Variants in GATAD2B observed in about 807,000 individuals in gnomAD.
GATAD2B encodes the protein transcriptional repressor p66-beta.
In GATAD2B, 8 loss-of-function variants were observed where a neutral mutation model predicts 64.3. The observed-to-expected ratio is 0.12, with a 90% confidence interval of 0.07 to 0.22. The LOEUF is 0.22. Ranked by LOEUF, GATAD2B falls within the 10% of genes least tolerant of loss-of-function variation. The probability of loss-of-function intolerance (pLI) is 1.00; values close to 1 mark genes in which losing one functional copy is unlikely to be tolerated. For missense variants in GATAD2B, 453 were observed against 752.0 expected, an observed-to-expected ratio of 0.60 and a Z score of 4.65; for synonymous variants, 281 against 271.3, an observed-to-expected ratio of 1.04 and a Z score of -0.35.
intron 1 of GATAD2B, among the ~76,000 whole-genome samples, chr1:153,900,084 T>G (rs776674300): frequency 2.2e-4 from 34 of 152,196 alleles, no homozygotes; most frequent in Non-Finnish European, 4.6e-4. Context: ...ACTAAAACAA[T>G]GAGCTGCAAA....
chr1:153,861,809 T>TATAC (rs1294838675), intron 1 of GATAD2B, among the ~76,000 whole-genome samples: 1,455 of 121,524 alleles, frequency 0.012, 44 homozygotes, highest in Non-Finnish European at 0.019. Flanking sequence ...TATATATATA[T>TATAC]ACACATATGT....
intron 7 of GATAD2B, among the ~76,000 whole-genome samples, chr1:153,815,303 A>AAAAG (rs1674439721): frequency 6.7e-6 from 1 of 148,810 alleles, no homozygotes; most frequent in African/African-American, 2.5e-5. Context: ...CAAAAAAAAA[A>AAAAG]AAAAGAAAAG....
At chr1:153,856,913 T>C (rs4520447) in intron 1 of GATAD2B, among the ~76,000 whole-genome samples, 44,089 of 151,886 alleles carry the variant, frequency 0.29, 6,640 homozygotes, top group Admixed American at 0.39. Context: ...TATGGTTACT[T>C]GTTGGCTTGT....
chr1:153,915,318 G>A (rs1678229055), intron 1 of GATAD2B, among the ~76,000 whole-genome samples: 1 of 152,170 alleles, frequency 6.6e-6, no homozygotes, highest in African/African-American at 2.4e-5. Context: ...AGCTACTCAG[G>A]AGGCTGCGGC....
intron 5 of GATAD2B, 118 bp from the exon 6 acceptor site, chr1:153,817,660 C>A (rs1674529659): frequency 3.2e-6 from 2 of 631,874 alleles, no homozygotes; most frequent in East Asian, 6.2e-5. Flanking sequence ...AACACAGGAA[C>A]ACAGCCAGAC....
intron 1 of GATAD2B, among the ~76,000 whole-genome samples, chr1:153,855,743 C>T (rs1676063006): frequency 6.6e-6 from 1 of 151,932 alleles, no homozygotes; most frequent in South Asian, 2.1e-4. Context: ...GGCATGATCT[C>T]GGCTCACTGC....
chr1:153,815,297 A>AAAAAAAAAAAAG (rs1674438675), intron 7 of GATAD2B, among the ~76,000 whole-genome samples: 3 of 148,582 alleles, frequency 2.0e-5, no homozygotes, highest in African/African-American at 4.9e-5. Flanking sequence ...AAAAAACAAA[A>AAAAAAAAAAAAG]AAAAAAAAAA....
Position 153,806,521 on chromosome 1 carries a change from T to C in GATAD2B, c.*3656A>G, listed in dbSNP as rs1557775015. The C allele has an allele frequency of 6.6e-6, 1 of 152,008 alleles. No individual in the cohort carries two copies. Among genetic ancestry groups the C allele is most frequent in the Non-Finnish European group, 1.5e-5 (1 of 68,010 alleles). The allele number at this position is 152,008 out of a possible 1,614,324, so 9.4% of individuals were successfully genotyped here. On this transcript the variant is annotated 3_prime_UTR_variant, in exon 11 of 11. Transcript: ENST00000368655. ...CCCCTCCCCTTCCCCAGAAACCCTT[T>C]TGCACGGATCATACACAAACGGGCA...
At chr1:153,877,266 C>T (rs1185163723) in intron 1 of GATAD2B, among the ~76,000 whole-genome samples, 1 of 151,834 alleles carries the variant, frequency 6.6e-6, no homozygotes, top group Non-Finnish European at 1.5e-5. Flanking sequence ...TCACTTGAGC[C>T]CAGGAGTTCA....
At chr1:153,851,908 C>T (rs766550795) in intron 1 of GATAD2B, among the ~76,000 whole-genome samples, 1 of 152,124 alleles carries the variant, frequency 6.6e-6, no homozygotes, top group Non-Finnish European at 1.5e-5. Flanking sequence ...TCTTTTCTTA[C>T]CAGGTGAACA....
intron 1 of GATAD2B, chr1:153,852,627 T>G: frequency 1.2e-6 from 1 of 805,244 alleles, no homozygotes; most frequent in Admixed American, 1.7e-5. Flanking sequence ...CCTGGCAAAT[T>G]CAATCAAGTG....
chr1:153,826,376 C>T (rs1228972245), intron 2 of GATAD2B, among the ~76,000 whole-genome samples: 1 of 151,910 alleles, frequency 6.6e-6, no homozygotes. Flanking sequence ...TGCCTATAAT[C>T]CCAGCACTTT....
intron 1 of GATAD2B, among the ~76,000 whole-genome samples, chr1:153,893,970 A>AT (rs1258367969): frequency 6.6e-6 from 1 of 150,970 alleles, no homozygotes; most frequent in Non-Finnish European, 1.5e-5. Flanking sequence ...AAAAAAAAAA[A>AT]AAAAAAAAAA....
chr1:153,915,741 TAAAAAAAA>T (rs56236211), intron 1 of GATAD2B, among the ~76,000 whole-genome samples: 4 of 98,098 alleles, frequency 4.1e-5, no homozygotes, highest in South Asian at 3.4e-4. Flanking sequence ...CTTGTCTATA[TAAAAAAAA>T]AAAAAAAAAA....
Position 153,876,956 on chromosome 1 carries a change from AC to A in GATAD2B, c.-2+45776del, listed in dbSNP as rs530674616. On this transcript the variant is annotated intron_variant, in intron 1 of 10. Coordinates refer to ENST00000368655, the MANE Select transcript of GATAD2B (RefSeq NM_020699.4). Reference sequence around the variant, plus strand: ...GAGGGGAGGGCGGCGGGTGGAGGTTACAGTGAGCCAAGATCGTGCCACTTCA... The same window carrying A: ...GAGGGGAGGGCGGCGGGTGGAGGTTAAGTGAGCCAAGATCGTGCCACTTCA... 4.0e-4 allele frequency among the ~76,000 whole-genome samples: 61 copies of A among 152,248 alleles called. 1 individual carries two copies. In the East Asian group the frequency reaches 0.011, roughly 26 times the overall value.
chr1:153,911,868 C>A (rs1378973258), intron 1 of GATAD2B, among the ~76,000 whole-genome samples: 1 of 152,140 alleles, frequency 6.6e-6, no homozygotes. Flanking sequence ...TAACAGTATC[C>A]TTTATTCATC....
chr1:153,910,830 G>A (rs773430126), intron 1 of GATAD2B, among the ~76,000 whole-genome samples: 2 of 152,088 alleles, frequency 1.3e-5, no homozygotes, highest in African/African-American at 4.8e-5. Flanking sequence ...TAAGCATTTC[G>A]AACACATTTA....
chr1:153,840,109 T>C (rs1322943202), intron 1 of GATAD2B, among the ~76,000 whole-genome samples: 5 of 133,406 alleles, frequency 3.7e-5, no homozygotes, highest in Non-Finnish European at 7.9e-5. Context: ...CTTGTCTCAC[T>C]GCTACCTCCG....
At chr1:153,912,463 A>T (rs1678134673) in intron 1 of GATAD2B, among the ~76,000 whole-genome samples, 1 of 152,276 alleles carries the variant, frequency 6.6e-6, no homozygotes, top group African/African-American at 2.4e-5. Context: ...ATGGACACTT[A>T]TTAAAGGCCA....
Sources: gnomAD v4.1 joint callset for allele counts (sites outside exome capture counted in the v4.1 genomes callset) on GRCh38, gnomAD v4.1.1 for gene constraint, MANE v1.5 for transcripts, NCBI Gene and HGNC (gene_info 2026-07-23, HGNC 2026-07-21) for gene names.